The following IL1RAPL1 variants were observed in gnomAD, a reference collection of about 807,000 sequenced individuals.
The protein encoded by IL1RAPL1 is interleukin 1 receptor accessory protein like 1.
A neutral mutation model predicts 48.4 loss-of-function variants in IL1RAPL1; 3 were observed. The ratio of observed to expected loss-of-function variants is 0.06; its 90% CI spans 0.03 to 0.16. The LOEUF is 0.16. Ranked by LOEUF, IL1RAPL1 falls within the 10% of genes least tolerant of loss-of-function variation. IL1RAPL1 has a pLI of 1.00. For synonymous variants in IL1RAPL1, 185 were observed against 187.7 expected (o/e 0.99, Z 0.12); for missense variants, 349 against 530.6 (o/e 0.66, Z 3.36).
At chrX:29,884,761 C>T (rs1932111240) in intron 6 of IL1RAPL1, among the ~76,000 whole-genome samples, 1 of 111,786 alleles carries the variant, frequency 8.9e-6, no homozygotes, top group African/African-American at 3.3e-5. Flanking sequence ...CCTTCTCTGT[C>T]TCAGGGACGG....
chrX:28,977,495 C>T (rs755374906), intron 2 of IL1RAPL1, among the ~76,000 whole-genome samples: 1 of 112,062 alleles, frequency 8.9e-6, no homozygotes, highest in East Asian at 2.8e-4. Flanking sequence ...AACTCTGCCC[C>T]ATGATCCAGT....
intron 6 of IL1RAPL1, among the ~76,000 whole-genome samples, chrX:29,684,650 A>G (rs925849870): frequency 1.8e-5 from 2 of 111,476 alleles, no homozygotes; most frequent in African/African-American, 3.3e-5. Flanking sequence ...TTTAAGAGAC[A>G]CTTTTCTTCT....
intron 2 of IL1RAPL1, among the ~76,000 whole-genome samples, chrX:28,892,180 A>T (rs186208718): frequency 9.0e-6 from 1 of 110,884 alleles, no homozygotes; most frequent in East Asian, 2.9e-4. Context: ...AAAGCTTTTT[A>T]ATCACCTGGG....
At chrX:29,011,861 G>C (rs1926129976) in intron 2 of IL1RAPL1, among the ~76,000 whole-genome samples, 1 of 112,334 alleles carries the variant, frequency 8.9e-6, no homozygotes, top group Non-Finnish European at 1.9e-5. Context: ...TTAACATTTT[G>C]GATGTTGTAT....
chrX:28,694,359 ATTC>A (rs1379383397), intron 1 of IL1RAPL1, among the ~76,000 whole-genome samples: 3 of 111,972 alleles, frequency 2.7e-5, no homozygotes, highest in African/African-American at 9.7e-5. Context: ...ATTAACCATC[ATTC>A]TTGTTTTATT....
At chrX:29,905,111 C>A (rs1235658403) in intron 6 of IL1RAPL1, among the ~76,000 whole-genome samples, 1 of 112,365 alleles carries the variant, frequency 8.9e-6, no homozygotes, top group African/African-American at 3.2e-5. Flanking sequence ...ATTTGCATTT[C>A]TCTAATGATC....
intron 9 of IL1RAPL1, among the ~76,000 whole-genome samples, chrX:29,952,564 T>C (rs1445969903): frequency 2.7e-5 from 3 of 112,389 alleles, no homozygotes; most frequent in Non-Finnish European, 5.6e-5. Flanking sequence ...ACCGATATTA[T>C]GTACTGACTT....
chrX:29,393,714 TTTTG>T (rs1200019161), intron 3 of IL1RAPL1, among the ~76,000 whole-genome samples: 1 of 80,574 alleles, frequency 1.2e-5, no homozygotes, highest in Admixed American at 1.4e-4. Context: ...GCCTTTCTGT[TTTTG>T]TTTTTGTTTT....
intron 8 of IL1RAPL1, among the ~76,000 whole-genome samples, chrX:29,925,328 A>G (rs1367152409): frequency 4.6e-5 from 5 of 107,703 alleles, no homozygotes; most frequent in African/African-American, 1.7e-4. Flanking sequence ...AGCATCTCCA[A>G]ATAAAAGTCA....
chrX:29,357,025 T>A (rs1031125890), intron 3 of IL1RAPL1, among the ~76,000 whole-genome samples: 1 of 111,888 alleles, frequency 8.9e-6, no homozygotes, highest in African/African-American at 3.2e-5. Flanking sequence ...TTATTATTCA[T>A]CCACCAAACC....
chrX:29,475,298 G>A (rs757734461), intron 5 of IL1RAPL1, among the ~76,000 whole-genome samples: 2 of 111,898 alleles, frequency 1.8e-5, no homozygotes, highest in East Asian at 5.6e-4. Flanking sequence ...CAAGTATGTA[G>A]GATGTTCATT....
At chrX:29,333,318 A>G (rs1471031499) in intron 3 of IL1RAPL1, among the ~76,000 whole-genome samples, 20 of 93,151 alleles carry the variant, frequency 2.1e-4, no homozygotes, top group Non-Finnish European at 3.1e-4. Context: ...GCGGTTGGCC[A>G]GGCAGAGGGG....
intron 5 of IL1RAPL1, among the ~76,000 whole-genome samples, chrX:29,519,977 T>C (rs1935486900): frequency 8.9e-6 from 1 of 112,053 alleles, no homozygotes; most frequent in Non-Finnish European, 1.9e-5. Flanking sequence ...GTGAATTGTC[T>C]GAACCTAAGT....
At chrX:29,118,574 T>C (rs766500884) in intron 2 of IL1RAPL1, among the ~76,000 whole-genome samples, 1 of 111,709 alleles carries the variant, frequency 9.0e-6, no homozygotes, top group Non-Finnish European at 1.9e-5. Flanking sequence ...TGAATAAAAA[T>C]ACATCTATAA....
At chrX:29,234,503 T>C (rs951277006) in intron 2 of IL1RAPL1, among the ~76,000 whole-genome samples, 6 of 111,977 alleles carry the variant, frequency 5.4e-5, no homozygotes, top group African/African-American at 1.9e-4. Flanking sequence ...AGAGTTTTGT[T>C]CAAAGCTGTA....
intron 1 of IL1RAPL1, among the ~76,000 whole-genome samples, chrX:28,607,350 A>G (rs1471788196): frequency 1.8e-5 from 2 of 111,400 alleles, no homozygotes; most frequent in Admixed American, 1.9e-4. Context: ...TATTTTAAAG[A>G]TATAGATTCT....
chrX:29,285,335 C>T (rs1311544707), intron 3 of IL1RAPL1, among the ~76,000 whole-genome samples: 1 of 108,092 alleles, frequency 9.3e-6, no homozygotes, highest in African/African-American at 3.4e-5. Flanking sequence ...GAGTTCGAGA[C>T]CAGCCTGACC....
intron 1 of IL1RAPL1, among the ~76,000 whole-genome samples, chrX:28,732,012 G>C (rs1007324854): frequency 3.6e-5 from 4 of 111,102 alleles, no homozygotes; most frequent in African/African-American, 1.3e-4. Flanking sequence ...TAATCATAAG[G>C]AGCTGGAGTC....
intron 2 of IL1RAPL1, among the ~76,000 whole-genome samples, chrX:29,261,528 T>A (rs1375877993): frequency 9.0e-6 from 1 of 110,979 alleles, no homozygotes; most frequent in Non-Finnish European, 1.9e-5. Flanking sequence ...TCTTTCTCCC[T>A]CTCCCTTACC....
Sources: allele counts gnomAD v4.1 joint callset (sites outside exome capture counted in the v4.1 genomes callset), GRCh38; gene constraint gnomAD v4.1.1; transcripts MANE v1.5; gene names NCBI Gene and HGNC (gene_info 2026-07-23, HGNC 2026-07-21).